MAP2: variants seen among roughly 807,000 people sequenced by gnomAD.
MAP2 encodes microtubule associated protein 2, also known as microtubule-associated protein 2.
Under a neutral mutation model 137.6 loss-of-function variants are expected in MAP2, and 14 were observed. That is an observed-to-expected ratio of 0.10 (90% confidence interval 0.07 to 0.16). The LOEUF (loss-of-function observed/expected upper bound fraction) is 0.16. Among genes scored for constraint, MAP2 ranks in the 10% least tolerant of loss-of-function variants. The pLI is 1.00. For missense variants in MAP2, 2,088 were observed against 2,191.5 expected, an observed-to-expected ratio of 0.95 and a Z score of 0.94; for synonymous variants, 786 against 782.3, an observed-to-expected ratio of 1.00 and a Z score of -0.08.
chr2:209,453,091 A>G (rs1559180001), intron 1 of MAP2, among the ~76,000 whole-genome samples: 1 of 152,134 alleles, frequency 6.6e-6, no homozygotes, highest in Non-Finnish European at 1.5e-5. Flanking sequence ...GGATAGCCAA[A>G]AAGTGATTTC....
At chr2:209,428,267 A>T (rs1385902803) in intron 1 of MAP2, among the ~76,000 whole-genome samples, 1 of 152,210 alleles carries the variant, frequency 6.6e-6, no homozygotes, top group African/African-American at 2.4e-5. Context: ...AGTTAGACAA[A>T]ATAAAGAGCT....
intron 2 of MAP2, among the ~76,000 whole-genome samples, chr2:209,559,572 A>G (rs2071519022): frequency 6.6e-6 from 1 of 151,772 alleles, no homozygotes; most frequent in African/African-American, 2.4e-5. Context: ...AATCGCTTAA[A>G]CGCGGGAGGC....
intron 2 of MAP2, among the ~76,000 whole-genome samples, chr2:209,565,358 C>A (rs1047011037): frequency 1.3e-5 from 2 of 152,042 alleles, no homozygotes; most frequent in Non-Finnish European, 2.9e-5. Flanking sequence ...GCTGGGACTA[C>A]AGGTACACAC....
chr2:209,618,413 GA>G (rs2090169380), intron 3 of MAP2, among the ~76,000 whole-genome samples: 2 of 152,038 alleles, frequency 1.3e-5, no homozygotes, highest in South Asian at 4.1e-4. Context: ...TTGTCATTTT[GA>G]AAAAATAATT....
At chr2:209,697,274 C>T (rs897944124) in intron 10 of MAP2, among the ~76,000 whole-genome samples, 1 of 151,948 alleles carries the variant, frequency 6.6e-6, no homozygotes, top group African/African-American at 2.4e-5. Context: ...CATAACAGTG[C>T]GTGATTGTAT....
At chr2:209,564,704 A>G (rs1045837319) in intron 2 of MAP2, among the ~76,000 whole-genome samples, 14 of 151,994 alleles carry the variant, frequency 9.2e-5, no homozygotes, top group African/African-American at 3.4e-4. Context: ...GTTGTTTTGA[A>G]CCACAGATGC....
intron 5 of MAP2, among the ~76,000 whole-genome samples, chr2:209,654,363 T>C (rs1013591295): frequency 6.6e-6 from 1 of 152,218 alleles, no homozygotes; most frequent in African/African-American, 2.4e-5. Context: ...AAGAGAGTGA[T>C]AGTGTCCAAC....
At chr2:209,482,850 A>G (rs1031121387) in intron 1 of MAP2, among the ~76,000 whole-genome samples, 2 of 152,254 alleles carry the variant, frequency 1.3e-5, no homozygotes, top group Non-Finnish European at 2.9e-5. Flanking sequence ...CTAATATACT[A>G]CATGATAGTG....
chr2:209,589,227 G>T (rs993173573), intron 3 of MAP2, among the ~76,000 whole-genome samples: 4 of 152,106 alleles, frequency 2.6e-5, no homozygotes, highest in African/African-American at 9.7e-5. Flanking sequence ...CTAAGACGTG[G>T]TGTTCCAAAG....
intron 1 of MAP2, among the ~76,000 whole-genome samples, chr2:209,481,064 C>T (rs1029337070): frequency 2.0e-5 from 3 of 152,184 alleles, no homozygotes; most frequent in African/African-American, 7.2e-5. Context: ...ATCTCCTGTA[C>T]AGCCTTCACG....
At chr2:209,458,780 T>A (rs1702109160) in intron 1 of MAP2, among the ~76,000 whole-genome samples, 3 of 152,108 alleles carry the variant, frequency 2.0e-5, no homozygotes, top group Admixed American at 1.3e-4. Flanking sequence ...CATACGATGC[T>A]CCCTCCACCT....
At chr2:209,498,374 T>C (rs1259209040) in intron 1 of MAP2, among the ~76,000 whole-genome samples, 3 of 152,170 alleles carry the variant, frequency 2.0e-5, no homozygotes, top group African/African-American at 7.2e-5. Context: ...CTCTCACAGG[T>C]TGTTGAGTGC....
intron 1 of MAP2, among the ~76,000 whole-genome samples, chr2:209,477,006 G>T (rs1482518853): frequency 6.6e-6 from 1 of 152,046 alleles, no homozygotes; most frequent in Non-Finnish European, 1.5e-5. Context: ...AAGTTTTGTT[G>T]GCACCCATGA....
intron 2 of MAP2, among the ~76,000 whole-genome samples, chr2:209,539,720 T>A (rs1454860230): frequency 6.6e-6 from 1 of 151,820 alleles, no homozygotes; most frequent in Admixed American, 6.6e-5. Flanking sequence ...GCTTTTTTTT[T>A]ATGTCTGTGA....
intron 3 of MAP2, among the ~76,000 whole-genome samples, chr2:209,601,311 T>C (rs2082929393): frequency 6.6e-6 from 1 of 152,184 alleles, no homozygotes; most frequent in South Asian, 2.1e-4. Flanking sequence ...TAATGTAGGA[T>C]TTTATTTTTA....
At chr2:209,701,607 A>G (rs2061779344) in intron 11 of MAP2, among the ~76,000 whole-genome samples, 1 of 151,974 alleles carries the variant, frequency 6.6e-6, no homozygotes, top group Non-Finnish European at 1.5e-5. Flanking sequence ...TTAGACTTCC[A>G]CTTTTATTTA....
intron 5 of MAP2, among the ~76,000 whole-genome samples, chr2:209,655,034 C>T (rs886081456): frequency 6.6e-6 from 1 of 152,148 alleles, no homozygotes; most frequent in African/African-American, 2.4e-5. Context: ...AAAACCAACA[C>T]CATTCACTAT....
intron 1 of MAP2, among the ~76,000 whole-genome samples, chr2:209,494,502 T>G (rs537639915): frequency 5.2e-4 from 79 of 151,270 alleles, no homozygotes; most frequent in Non-Finnish European, 9.9e-4. Flanking sequence ...TTGGTCATCC[T>G]CACTGCTATA....
Position 209,694,854 on chromosome 2 carries a change from C to T in MAP2, c.2684C>T (p.Thr895Ile), listed in dbSNP as rs1222693821. Residue 895 changes from threonine to isoleucine, a missense_variant, in exon 8 of 16, where the codon ACC becomes ATC. Around this residue, in one of 6 missense-constraint regions of MAP2, gnomAD observed 500 missense variants for 482.9 expected, o/e 1.04. Transcript: ENST00000682079. ...DSENLSGESG[T>I]FYEGTDDKVR... is the part of the protein sequence containing the mutation. The stretch of plus-strand genomic sequence containing the variant: ...GAGAATTTATCAGGGGAGAGTGGTA[C>T]CTTTTACGAAGGCACTGATGATAAA... The T allele has an allele frequency of 6.2e-7, 1 of 1,614,136 alleles. No individual in the cohort carries two copies. Among genetic ancestry groups the T allele is most frequent in the Non-Finnish European group, 8.5e-7 (1 of 1,180,024 alleles).
Sources: gnomAD v4.1 joint callset for allele counts (sites outside exome capture counted in the v4.1 genomes callset) on GRCh38, gnomAD v4.1.1 for gene constraint, gnomAD v4.1.1 regional missense constraint, MANE v1.5 for transcripts, NCBI Gene and HGNC (gene_info 2026-07-23, HGNC 2026-07-21) for gene names.